Variants in NFATC4 observed in about 807,000 individuals in gnomAD.
NFATC4 encodes the protein nuclear factor of activated T-cells, cytoplasmic 4.
NFATC4 carries 25 observed loss-of-function variants against 73.4 expected under a neutral mutation model. The ratio of observed to expected loss-of-function variants is 0.34; its 90% confidence interval spans 0.25 to 0.48. NFATC4 has a LOEUF of 0.48. Ranked by LOEUF, NFATC4 falls within the 20% of genes least tolerant of loss-of-function variation. NFATC4 has a pLI of 0.99. For synonymous variants in NFATC4, 523 were observed against 510.3 expected, an observed-to-expected ratio of 1.02 and a Z score of -0.34; for missense variants, 1,130 against 1,203.7, an observed-to-expected ratio of 0.94 and a Z score of 0.91.
At position 24,377,859 on chromosome 14, in the gene NFATC4, C is replaced by G. The variant is rs986874281; in HGVS notation, c.*154C>G. On this transcript the variant is annotated 3_prime_UTR_variant, in exon 10 of 10. Coordinates refer to ENST00000250373, the MANE Select transcript of NFATC4 (RefSeq NM_004554.5). This position sits in a 1 kb window ranked among gnomAD's most constrained non-coding sequence, Gnocchi z 4.2. The stretch of plus-strand genomic sequence containing the variant: ...TGTCTCACTGTCTTCCCTCCCCTCC[C>G]CCAGCTGAGGTGTGGCCCTCAGGCC... 67 of 1,436,222 alleles carry G rather than the reference C, an allele frequency of 4.7e-5. No individual in the cohort carries two copies. Among genetic ancestry groups the G allele is most frequent in the Non-Finnish European group, 6.2e-5 (67 of 1,074,722 alleles). The allele number at this position is 1,436,222 out of a possible 1,614,324, so 89.0% of individuals were successfully genotyped here.
Position 24,369,788 on chromosome 14 carries a change from G to T in NFATC4, c.390G>T (p.Ala130=), listed in dbSNP as rs1201745019. 5.0e-6 allele frequency: 8 copies of T among 1,596,040 alleles called. No homozygotes were observed. Among genetic ancestry groups the T allele is most frequent in the Middle Eastern group, 1.7e-4 (1 of 6,046 alleles). The change falls in exon 2 of 10, where the codon GCG becomes GCT. Residue 130 remains alanine (A), a synonymous_variant. Coordinates refer to ENST00000250373, the MANE Select transcript of NFATC4 (RefSeq NM_004554.5). ...CTCCCACGCCGGAGCCGCCAGCAGC[G>T]CTGGAGGACAACCCTGATGCCTGGG... ...SISPTPEPPA[A]LEDNPDAWGD...
intron 3 of NFATC4, chr14:24,372,847 G>A (rs1304402993): frequency 2.4e-5 from 15 of 613,020 alleles, no homozygotes; most frequent in African/African-American, 3.7e-5. Context: ...TCTGGAAAAT[G>A]GTGGCCCGCC....
At chr14:24,367,245 G>C, upstream of NFATC4, 10 of 1,611,882 alleles carry the variant, frequency 6.2e-6, no homozygotes, top group Non-Finnish European at 8.5e-6. Flanking sequence ...TGGGGGCGGG[G>C]GGGCCAAGGA....
In NFATC4 at chr14:24,375,719, C is replaced by A; in HGVS notation, c.1929+4C>A. On this transcript the variant is annotated splice_donor_region_variant and intron_variant, in intron 7 of 9. Coordinates refer to ENST00000250373, the MANE Select transcript of NFATC4 (RefSeq NM_004554.5). ...GAACCGACTGCAGAGCAACGAGGTACCAGTGTCACTTGGATACCTCCTGGG... is the reference window on the plus strand; with the variant it reads ...GAACCGACTGCAGAGCAACGAGGTAACAGTGTCACTTGGATACCTCCTGGG... The A allele has an allele frequency of 6.6e-7, 1 of 1,516,170 alleles. No homozygotes were observed. Among genetic ancestry groups the A allele is most frequent in the Non-Finnish European group, 9.0e-7 (1 of 1,113,854 alleles). The allele number at this position is 1,516,170 out of a possible 1,614,324, so 93.9% of individuals were successfully genotyped here.
At position 24,373,065 on chromosome 14, in the gene NFATC4, T is replaced by G. The variant is rs949853821; in HGVS notation, c.1360-106T>G. On this transcript the variant is annotated intron_variant, in intron 3 of 9. Transcript: ENST00000250373. This position sits in a 1 kb window ranked among gnomAD's most constrained non-coding sequence, Gnocchi z 4.7. ...CAAGGGATTCCCTTGCAGGATATCC[T>G]TTATCTTTCACCATTCCCATCCCAT... 1.4e-5 allele frequency: 16 copies of G among 1,159,494 alleles called. No individual in the cohort carries two copies. The highest frequency in any genetic ancestry group is 2.0e-5 in the Non-Finnish European group (16 of 814,556). The allele number at this position is 1,159,494 out of a possible 1,614,324, so 71.8% of individuals were successfully genotyped here. A position where few individuals can be genotyped will look rare whatever the true frequency, so the allele number is the denominator to read the frequency against.
At chr14:24,367,642 G>T, upstream of NFATC4, 1 of 1,536,092 alleles carries the variant, frequency 6.5e-7, no homozygotes, top group Non-Finnish European at 8.7e-7. Flanking sequence ...GGCCCGGGCA[G>T]AGTAGCCCCA....
At chr14:24,372,798 C>G (rs2042508512) in intron 3 of NFATC4, 195 bp downstream of exon 3, 1 of 666,326 alleles carries the variant, frequency 1.5e-6, no homozygotes, top group Non-Finnish European at 2.5e-6. Context: ...CTTCCACCCC[C>G]ACTCAGCTCA....
chr14:24,368,077 T>A, upstream of NFATC4: 7 of 1,151,052 alleles, frequency 6.1e-6, no homozygotes, highest in Non-Finnish European at 7.5e-6. Flanking sequence ...GGTTTTCCCA[T>A]CTCATCCCTG....
chr14:24,367,622 A>T, upstream of NFATC4: 1 of 1,536,106 alleles, frequency 6.5e-7, no homozygotes, highest in Non-Finnish European at 8.7e-7. Context: ...CAGCGCAAAG[A>T]CTTCCAGAAG....
upstream of NFATC4, chr14:24,367,639 G>A (rs753946076): frequency 9.1e-6 from 14 of 1,535,992 alleles, no homozygotes; most frequent in South Asian, 1.5e-4. Flanking sequence ...GAAGGCCCGG[G>A]CAGAGTAGCC....
At chr14:24,369,301 C>G in intron 1 of NFATC4, 198 bp from the exon 2 acceptor site, 1 of 1,571,112 alleles carries the variant, frequency 6.4e-7, no homozygotes, top group Non-Finnish European at 8.6e-7. Flanking sequence ...GGCCAGTGGG[C>G]AAAGGCCTGG....
Position 24,374,384 on chromosome 14 carries a change from T to C in NFATC4, c.1791T>C (p.Ser597=). 6.2e-7 allele frequency: 1 copy of C among 1,614,026 alleles called. No homozygotes were observed. Among genetic ancestry groups the C allele is most frequent in the Non-Finnish European group, 8.5e-7 (1 of 1,179,978 alleles). ...QVEAYSPSAC[S]VRGGEELVLT... Reference sequence around the variant, plus strand: ...AGGCCTACAGCCCCAGTGCCTGCTCTGTGAGAGGAGGCGAGGAACTGGTAC... The same window carrying C: ...AGGCCTACAGCCCCAGTGCCTGCTCCGTGAGAGGAGGCGAGGAACTGGTAC... Residue 597 remains serine, a synonymous_variant, in exon 6 of 10, where the codon TCT becomes TCC. Transcript: ENST00000250373.
chr14:24,373,951 G>A lies in NFATC4; in HGVS notation c.1732+84G>A, dbSNP rs2042542888. ...GTGTGTCTGTCTGCCCATTCCCTCTGCAGCGTCCTGTGCCCTGTCTGTCCT... is the reference window on the plus strand; with the variant it reads ...GTGTGTCTGTCTGCCCATTCCCTCTACAGCGTCCTGTGCCCTGTCTGTCCT... On this transcript the variant is annotated intron_variant, in intron 5 of 9. Coordinates refer to ENST00000250373, the MANE Select transcript of NFATC4 (RefSeq NM_004554.5). The surrounding 1 kb of genome is among the most constrained non-coding windows in gnomAD (Gnocchi z 4.7). The A allele has an allele frequency of 6.4e-7, 1 of 1,556,778 alleles. No homozygotes were observed. The highest frequency in any genetic ancestry group is 8.8e-7 in the Non-Finnish European group (1 of 1,142,176).
rs145680915 is a variant in NFATC4 at position 24,375,998 on chromosome 14, C to T, written c.1953C>T (p.Pro651=). 1.0e-4 allele frequency: 162 copies of T among 1,614,006 alleles called. No homozygotes were observed. Among genetic ancestry groups the T allele is most frequent in the Non-Finnish European group, 1.2e-4 (140 of 1,179,960 alleles). Residue 651 remains proline, a synonymous_variant, in exon 8 of 10, where the codon CCC becomes CCT. Transcript: ENST00000250373. ...AGGTGACGCTGACCCTGACTGTCCC[C>T]GAGTACAGCAACAAGAGGGTTTCCC... The part of the protein sequence containing the change: ...SNEVTLTLTV[P]EYSNKRVSRP...
intron 1 of NFATC4, chr14:24,369,249 T>G: frequency 6.5e-7 from 1 of 1,538,320 alleles, no homozygotes; most frequent in African/African-American, 1.4e-5. Context: ...TCTCTCACCT[T>G]AAGACCCACT....
intron 2 of NFATC4, chr14:24,371,654 G>C (rs2042474893): frequency 6.6e-6 from 1 of 152,602 alleles, no homozygotes; most frequent in Non-Finnish European, 1.5e-5. Flanking sequence ...TCAGTCCTAG[G>C]TCTGTCAGTA....
At position 24,379,460 on chromosome 14, in the gene NFATC4, A is replaced by C. The variant is rs1036714295; in HGVS notation, c.*1755A>C. 3 of 152,220 alleles carry C rather than the reference A, an allele frequency of 2.0e-5. No individual in the cohort carries two copies. The highest frequency in any genetic ancestry group is 2.0e-4 in the Admixed American group (3 of 15,286). The allele number at this position is 152,220 out of a possible 1,614,324, so 9.4% of individuals were successfully genotyped here. Reference sequence around the variant, plus strand: ...TAGGACTTGTTGCCTCTCAAGGTGGACTATTCTGTTTTCTGCCAGGACACT... The same window carrying C: ...TAGGACTTGTTGCCTCTCAAGGTGGCCTATTCTGTTTTCTGCCAGGACACT... On this transcript the variant is annotated 3_prime_UTR_variant, in exon 10 of 10. Coordinates refer to ENST00000250373, the MANE Select transcript of NFATC4 (RefSeq NM_004554.5).
Position 24,376,740 on chromosome 14 carries a change from C to CT in NFATC4, c.2504dup (p.Pro836ThrfsTer3). The CT allele has an allele frequency of 1.2e-6, 2 of 1,613,954 alleles. No homozygotes were observed. The highest frequency in any genetic ancestry group is 1.7e-6 in the Non-Finnish European group (2 of 1,179,974). On this transcript the variant is annotated frameshift_variant, in exon 9 of 10. Transcript: ENST00000250373. LOFTEE classifies it high-confidence loss of function. This position sits in a 1 kb window ranked among gnomAD's most constrained non-coding sequence, Gnocchi z 5.0. ...CCCTTCCCAGAGTGATGTGCATCCC[C>CT]TACCTGCTGAGGGATACAATAAGGT...
chr14:24,367,953 A>G, upstream of NFATC4: 1 of 1,226,992 alleles, frequency 8.2e-7, no homozygotes, highest in Non-Finnish European at 1.0e-6. Context: ...ACCAATAGGC[A>G]ACATTAGTAT....
Sources: gnomAD v4.1 joint callset for allele counts on GRCh38, gnomAD v4.1.1 for gene constraint, Gnocchi (gnomAD v3.1) non-coding constraint, MANE v1.5 for transcripts, NCBI Gene and HGNC (gene_info 2026-07-23, HGNC 2026-07-21) for gene names.